MFSD11: variants seen among roughly 807,000 people sequenced by gnomAD.
MFSD11 encodes major facilitator superfamily domain containing 11.
MFSD11 carries 36 observed loss-of-function variants against 53.5 expected under a neutral mutation model. The observed-to-expected ratio is 0.67, with a 90% CI of 0.52 to 0.89. The LOEUF (loss-of-function observed/expected upper bound fraction) is 0.89, where lower values mean the gene tolerates loss of function less well. MFSD11 is among the 40% of genes least tolerant of loss of function. The pLI is 0.00. For synonymous variants in MFSD11, 186 were observed against 184.9 expected (o/e 1.01, Z -0.05); for missense variants, 530 against 543.9 (o/e 0.97, Z 0.25).
chr17:76,795,847 A>G, the MFSD11 span, among the ~76,000 whole-genome samples: 6 of 114,214 alleles, frequency 5.3e-5, no homozygotes, highest in Admixed American at 2.9e-4. Context: ...GTATTTTTTT[A>G]GTAGAGACGG....
At chr17:76,799,954 C>CTTTTTTTTTTTTTTTTT in the MFSD11 span, among the ~76,000 whole-genome samples, 27 of 87,292 alleles carry the variant, frequency 3.1e-4, no homozygotes, top group African/African-American at 9.5e-4. Flanking sequence ...TTTTCTTTTT[C>CTTTTTTTTTTTTTTTTT]CTTTTTTTTT....
intron 10 of MFSD11, among the ~76,000 whole-genome samples, chr17:76,770,378 G>A (rs1454323293): frequency 3.3e-5 from 5 of 152,048 alleles, no homozygotes; most frequent in Non-Finnish European, 5.9e-5. Context: ...TAAAACATTT[G>A]CAAAATAATT....
At position 76,767,067 on chromosome 17, in the gene MFSD11, C is replaced by T. The variant is rs75934973; in HGVS notation, c.683-319C>T. 1.3e-4 allele frequency: 32 copies of T among 238,840 alleles called. No homozygotes were observed. In the East Asian group the frequency reaches 3.8e-3, roughly 29 times the overall value. 14.8% of individuals were successfully genotyped at this position (238,840 alleles called of 1,614,324 possible). On this transcript the variant is annotated intron_variant, in intron 8 of 12. Transcript: ENST00000685175. Reference sequence around the variant, plus strand: ...ATTGTTGACTCTCTCAAGAGCCTAACGGTTAATCATGCCTTTTGAAGTACT... The same window carrying T: ...ATTGTTGACTCTCTCAAGAGCCTAATGGTTAATCATGCCTTTTGAAGTACT...
At chr17:76,785,671 C>G (rs1026772373), downstream of MFSD11, among the ~76,000 whole-genome samples, 1 of 152,052 alleles carries the variant, frequency 6.6e-6, no homozygotes, top group African/African-American at 2.4e-5. Context: ...TTCTGTTGTG[C>G]AAGATGAGTT....
intron 2 of MFSD11, among the ~76,000 whole-genome samples, chr17:76,740,008 T>C (rs1303793884): frequency 7.1e-6 from 1 of 140,452 alleles, no homozygotes. Context: ...GTACTAAAAA[T>C]ACAAAAAAAA....
chr17:76,755,923 A>C (rs868126486), intron 8 of MFSD11, among the ~76,000 whole-genome samples: 1 of 142,938 alleles, frequency 7.0e-6, no homozygotes, highest in African/African-American at 2.6e-5. Flanking sequence ...TCCTGGGTTC[A>C]AGCGATTCTC....
In MFSD11 at chr17:76,755,570, GAC is replaced by G. The variant is rs375535402; in HGVS notation, c.682+1487_682+1488del. ...TAATCAGCCATGGCCTGGCTCAGAT[GAC>G]ACAAAGCTTGTTAACTCTTGGCCAG... On this transcript the variant is annotated intron_variant, in intron 8 of 12. Transcript: ENST00000685175. Among the ~76,000 whole-genome samples the G allele has an allele frequency of 8.4e-4, 127 of 151,884 alleles. No homozygotes were observed. The South Asian group carries it at 0.013, about 16-fold the overall frequency.
chr17:76,776,946 C>T lies in MFSD11; in HGVS notation c.1185+405C>T, dbSNP rs2081887749. Among the ~76,000 whole-genome samples, 1 of 151,978 alleles carries T rather than the reference C, an allele frequency of 6.6e-6. No homozygotes were observed. Among genetic ancestry groups the T allele is most frequent in the African/African-American group, 2.4e-5 (1 of 41,394 alleles). On this transcript the variant is annotated intron_variant, in intron 12 of 12. Coordinates refer to ENST00000685175, the MANE Select transcript of MFSD11 (RefSeq NM_001242532.5). The surrounding 1 kb of genome is among the most constrained non-coding windows in gnomAD (Gnocchi z 4.2). ...GGGATTATATGCGTGAGCCACCGCA[C>T]CTGGTCTATTTTTTTATTTTATTTT...
the MFSD11 span, among the ~76,000 whole-genome samples, chr17:76,788,283 C>A: frequency 6.7e-6 from 1 of 149,184 alleles, no homozygotes; most frequent in Non-Finnish European, 1.5e-5. Flanking sequence ...CTCAGGCAAT[C>A]CAACCACCTC....
At chr17:76,781,847 G>C (rs187483011), downstream of MFSD11, among the ~76,000 whole-genome samples, 1 of 152,072 alleles carries the variant, frequency 6.6e-6, no homozygotes, top group Non-Finnish European at 1.5e-5. Context: ...TTAGAGACAG[G>C]GTCTTGCTTT....
At position 76,769,955 on chromosome 17, in the gene MFSD11, T is replaced by A. The variant is rs774573398; in HGVS notation, c.874+84T>A. The A allele has an allele frequency of 7.9e-6, 10 of 1,270,882 alleles. No homozygotes were observed. The Admixed American group carries it at 1.2e-4, about 15-fold the overall frequency. 78.7% of individuals were successfully genotyped at this position (1,270,882 alleles called of 1,614,324 possible). ...AAATTTTAAGTGTGCTTCACCTTTG[T>A]CCTTGAATTTCTGTTTTTTCTACTT... On this transcript the variant is annotated intron_variant, in intron 10 of 12. Coordinates refer to ENST00000685175, the MANE Select transcript of MFSD11 (RefSeq NM_001242532.5).
downstream of MFSD11, among the ~76,000 whole-genome samples, chr17:76,782,131 C>A (rs1374828979): frequency 6.7e-6 from 1 of 150,316 alleles, no homozygotes; most frequent in Non-Finnish European, 1.5e-5. Context: ...TTCTCCCCCG[C>A]CCCCGGCCCC....
At chr17:76,764,541 AT>A (rs2080631913) in intron 8 of MFSD11, among the ~76,000 whole-genome samples, 2 of 152,198 alleles carry the variant, frequency 1.3e-5, no homozygotes, top group African/African-American at 4.8e-5. Flanking sequence ...ACTTAGCGTA[AT>A]GCTCTTCAGG....
In MFSD11 at chr17:76,746,561, T is replaced by C. The variant is rs576251782; in HGVS notation, c.641+2095T>C. On this transcript the variant is annotated intron_variant, in intron 7 of 12. Transcript: ENST00000685175. ...CCTTCAAAGAACAGGCCGACTCTTG[T>C]TAGGGGATAATGCAGCTAATGACTT... 9.9e-5 allele frequency among the ~76,000 whole-genome samples: 15 copies of C among 152,276 alleles called. No homozygotes were observed. In the East Asian group the frequency reaches 2.9e-3, roughly 29 times the overall value.
intron 7 of MFSD11, among the ~76,000 whole-genome samples, chr17:76,752,188 GCT>G (rs1363387996): frequency 1.3e-5 from 2 of 152,166 alleles, no homozygotes; most frequent in African/African-American, 4.8e-5. Flanking sequence ...AGCTGCAGTT[GCT>G]CTGTGTATCA....
At chr17:76,748,111 G>T (rs2078717572) in intron 7 of MFSD11, 1 of 134,048 alleles carries the variant, frequency 7.5e-6, no homozygotes, top group Non-Finnish European at 1.5e-5. Context: ...GGGGAGGGGG[G>T]AGAGTGGGGT....
upstream of MFSD11, chr17:76,736,743 C>T (rs576861200): frequency 7.3e-5 from 101 of 1,392,096 alleles, no homozygotes; most frequent in Middle Eastern, 1.1e-3. Flanking sequence ...TGTGAGGTCG[C>T]CCGGGCCTCC....
At chr17:76,781,961 A>G (rs1455943596), downstream of MFSD11, among the ~76,000 whole-genome samples, 1 of 150,622 alleles carries the variant, frequency 6.6e-6, no homozygotes, top group African/African-American at 2.5e-5. Context: ...AGCTAGGACC[A>G]CAGGCATGTA....
intron 5 of MFSD11, among the ~76,000 whole-genome samples, chr17:76,742,969 A>G (rs2078232644): frequency 1.3e-5 from 2 of 152,354 alleles, no homozygotes; most frequent in South Asian, 4.1e-4. Flanking sequence ...TATATTAAGA[A>G]ACTAGTGTGT....
Sources: allele counts gnomAD v4.1 joint callset (sites outside exome capture counted in the v4.1 genomes callset), GRCh38; gene constraint gnomAD v4.1.1; non-coding constraint Gnocchi (gnomAD v3.1); transcripts MANE v1.5; gene names NCBI Gene and HGNC (gene_info 2026-07-23, HGNC 2026-07-21).